Variants in ATRAID observed in about 807,000 individuals in gnomAD.
ATRAID encodes the protein all-trans retinoic acid induced differentiation factor, also known as all-trans retinoic acid-induced differentiation factor.
In ATRAID, 26 loss-of-function variants were observed where a neutral mutation model predicts 28.8. The observed-to-expected ratio is 0.90, with a 90% CI of 0.66 to 1.25. The LOEUF (loss-of-function observed/expected upper bound fraction) is 1.25, where lower values mean the gene tolerates loss of function less well. ATRAID is among the 50% of genes most tolerant of loss of function. The pLI, the probability that ATRAID is intolerant of heterozygous loss-of-function variation, is 0.00. For synonymous variants in ATRAID, 131 were observed against 108.5 expected (o/e 1.21, Z -1.29); for missense variants, 308 against 285.9 (o/e 1.08, Z -0.56).
Position 27,215,552 on chromosome 2 carries a change from A to T in ATRAID, c.365+7A>T, listed in dbSNP as rs776654269. 1 of 1,614,078 alleles carries T rather than the reference A, an allele frequency of 6.2e-7. No homozygotes were observed. On this transcript the variant is annotated splice_region_variant and intron_variant, in intron 4 of 6. Coordinates refer to ENST00000380171, the MANE Select transcript of ATRAID (RefSeq NM_001170795.4). Reference sequence around the variant, plus strand: ...TTACTCAGCTCCAGACTCTGTGAGTAAGGGTATGGGAAGAGAATCAAAGAG... The same window carrying T: ...TTACTCAGCTCCAGACTCTGTGAGTTAGGGTATGGGAAGAGAATCAAAGAG...
At chr2:27,215,177 C>T in intron 2 of ATRAID, 144 bp from the exon 3 acceptor site, 1 of 752,720 alleles carries the variant, frequency 1.3e-6, no homozygotes, top group Non-Finnish European at 2.2e-6. Context: ...ATTAAAATGT[C>T]TACCACAGCT....
rs1236453726 is a variant in ATRAID at position 27,213,437 on chromosome 2, C to A, written c.221+139C>A. ...ACGCAGATGTCTACCAAAACTAGATCTCTTTAGTGTCTTTTTTAACCTTTC... is the reference window on the plus strand; with the variant it reads ...ACGCAGATGTCTACCAAAACTAGATATCTTTAGTGTCTTTTTTAACCTTTC... On this transcript the variant is annotated intron_variant, in intron 2 of 6. Coordinates refer to ENST00000380171, the MANE Select transcript of ATRAID (RefSeq NM_001170795.4). 1.9e-5 allele frequency: 22 copies of A among 1,137,766 alleles called. No homozygotes were observed. The East Asian group carries it at 5.9e-4, about 30-fold the overall frequency. 70.5% of individuals were successfully genotyped at this position (1,137,766 alleles called of 1,614,324 possible).
chr2:27,216,720 A>G (rs999444721), intron 6 of ATRAID, 100 bp downstream of exon 6: 19 of 1,437,682 alleles, frequency 1.3e-5, no homozygotes, highest in Non-Finnish European at 1.8e-5. Context: ...CAAATTTCCT[A>G]TAGGTGGAAA....
chr2:27,212,319 G>GGGCCGCGGGGCCGGGTCGC lies in ATRAID; in HGVS notation c.-48_-30dup. ...AGAGGGCCTGACGCGCTGCGGGGCG[G>GGGCCGCGGGGCCGGGTCGC]GGCCGCGGGGCCGGGTCGCGCGAGC... On this transcript the variant is annotated 5_prime_UTR_variant, in exon 1 of 7. Transcript: ENST00000380171. The GGGCCGCGGGGCCGGGTCGC allele has an allele frequency of 6.5e-7, 1 of 1,549,260 alleles. No individual in the cohort carries two copies. The highest frequency in any genetic ancestry group is 2.4e-5 in the East Asian group (1 of 41,054).
rs776777155 is a variant in ATRAID at position 27,212,292 on chromosome 2, G to A, written c.-77G>A. The A allele has an allele frequency of 6.4e-7, 1 of 1,552,588 alleles. No homozygotes were observed. The highest frequency in any genetic ancestry group is 8.7e-7 in the Non-Finnish European group (1 of 1,148,196). The stretch of plus-strand genomic sequence containing the variant: ...CCGGGCCGCTTAGGCCACGCCCGGG[G>A]AAGAGGGCCTGACGCGCTGCGGGGC... On this transcript the variant is annotated 5_prime_UTR_variant, in exon 1 of 7. Transcript: ENST00000380171.
At chr2:27,215,203 T>C in intron 2 of ATRAID, 118 bp from the exon 3 acceptor site, 1 of 1,010,794 alleles carries the variant, frequency 9.9e-7, no homozygotes, top group Non-Finnish European at 1.5e-6. Context: ...TGTGTGACTC[T>C]GAACACAGCT....
intron 1 of ATRAID, 91 bp downstream of exon 1, chr2:27,212,558 G>C: frequency 6.7e-7 from 1 of 1,490,920 alleles, no homozygotes; most frequent in Non-Finnish European, 8.9e-7. Flanking sequence ...TCCTCGGCGG[G>C]CCTGCGGTTC....
intron 5 of ATRAID, among the ~76,000 whole-genome samples, chr2:27,215,994 G>A (rs1674813743): frequency 6.6e-6 from 1 of 152,342 alleles, no homozygotes; most frequent in Admixed American, 6.5e-5. Flanking sequence ...GGGTGCAGGT[G>A]GGCTGAGTCC....
intron 2 of ATRAID, among the ~76,000 whole-genome samples, chr2:27,214,797 A>G (rs1489793539): frequency 6.6e-6 from 1 of 152,250 alleles, no homozygotes; most frequent in Non-Finnish European, 1.5e-5. Context: ...GGTTGCAGTG[A>G]GCCGAGATCG....
intron 4 of ATRAID, 43 bp from the exon 5 acceptor site, chr2:27,215,589 T>A: frequency 6.2e-7 from 1 of 1,614,222 alleles, no homozygotes; most frequent in South Asian, 1.1e-5. Context: ...GATGATGCTG[T>A]GAGTTTAGCA....
Position 27,216,611 on chromosome 2 carries a change from T to C in ATRAID, c.576T>C (p.Cys192=). The C allele has an allele frequency of 6.2e-7, 1 of 1,613,702 alleles. No homozygotes were observed. Among genetic ancestry groups the C allele is most frequent in the Non-Finnish European group, 8.5e-7 (1 of 1,179,576 alleles). The change falls in exon 6 of 7, where the codon TGT becomes TGC. Residue 192 remains cysteine, a synonymous_variant. Transcript: ENST00000380171. ...VCADGFHGYK[C]MRQGSFSLLM... is the part of the protein sequence containing the mutation. ...CTGATGGTTTCCATGGATACAAGTGTATGCGCCAGGTGAGGAATTAGGCCG... is the reference window on the plus strand; with the variant it reads ...CTGATGGTTTCCATGGATACAAGTGCATGCGCCAGGTGAGGAATTAGGCCG...
At chr2:27,217,161 T>C (rs970918673), downstream of ATRAID, 63 of 531,668 alleles carry the variant, frequency 1.2e-4, 1 homozygote, top group East Asian at 2.5e-4. Flanking sequence ...TCTTTTTTTT[T>C]CCTCTCTTTC....
Position 27,216,950 on chromosome 2 carries a change from C to T in ATRAID, c.*2C>T. The T allele has an allele frequency of 6.3e-7, 1 of 1,599,830 alleles. No individual in the cohort carries two copies. Among genetic ancestry groups the T allele is most frequent in the Non-Finnish European group, 8.6e-7 (1 of 1,167,800 alleles). Reference sequence around the variant, plus strand: ...CGCCGAAAAGCCAAGACTTCATGAACTACATAGGTCTTACCATTGACCTAA... The same window carrying T: ...CGCCGAAAAGCCAAGACTTCATGAATTACATAGGTCTTACCATTGACCTAA... On this transcript the variant is annotated 3_prime_UTR_variant, in exon 7 of 7. Transcript: ENST00000380171.
At position 27,216,929 on chromosome 2, in the gene ATRAID, G is replaced by A. The variant is rs148460328; in HGVS notation, c.671G>A (p.Arg224Gln). The A allele has an allele frequency of 4.3e-6, 7 of 1,612,902 alleles. No homozygotes were observed. Among genetic ancestry groups the A allele is most frequent in the East Asian group, 2.2e-5 (1 of 44,864 alleles). ...VSILLWATQR[R>Q]KAKTS ...ATTCTGCTTTGGGCGACCCAGCGCC[G>A]AAAAGCCAAGACTTCATGAACTACA... Residue 224 changes from arginine to glutamine, a missense_variant, in exon 7 of 7, where the codon CGA (arginine) becomes CAA (glutamine). Coordinates refer to ENST00000380171, the MANE Select transcript of ATRAID (RefSeq NM_001170795.4).
At chr2:27,212,840 GT>G in intron 1 of ATRAID, 1 of 479,186 alleles carries the variant, frequency 2.1e-6, no homozygotes, top group Non-Finnish European at 3.5e-6. Context: ...ACCTGCGGTC[GT>G]TTTACACCGC....
At chr2:27,213,119 G>A in intron 1 of ATRAID, 58 bp from the exon 2 acceptor site, 1 of 1,588,790 alleles carries the variant, frequency 6.3e-7, no homozygotes, top group Non-Finnish European at 8.6e-7. Context: ...CTTGATCGCC[G>A]TTTGTTCTTT....
intron 1 of ATRAID, chr2:27,212,717 G>A: frequency 8.2e-7 from 1 of 1,224,832 alleles, no homozygotes; most frequent in African/African-American, 1.6e-5. Flanking sequence ...ATAACTTTAA[G>A]TTCTTTCTAC....
chr2:27,216,836 G>C lies in ATRAID; in HGVS notation c.586-8G>C. 1 of 1,611,758 alleles carries C rather than the reference G, an allele frequency of 6.2e-7. No individual in the cohort carries two copies. The highest frequency in any genetic ancestry group is 8.5e-7 in the Non-Finnish European group (1 of 1,178,064). On this transcript the variant is annotated splice_polypyrimidine_tract_variant and splice_region_variant and intron_variant, in intron 6 of 6. Coordinates refer to ENST00000380171, the MANE Select transcript of ATRAID (RefSeq NM_001170795.4). Reference sequence around the variant, plus strand: ...GTATGGGGGTGTTTTTTGGTCTGTTGTTCACAGGGCTCGTTCTCACTGCTT... The same window carrying C: ...GTATGGGGGTGTTTTTTGGTCTGTTCTTCACAGGGCTCGTTCTCACTGCTT...
At chr2:27,213,893 T>G (rs1232967052) in intron 2 of ATRAID, among the ~76,000 whole-genome samples, 2 of 152,212 alleles carry the variant, frequency 1.3e-5, no homozygotes, top group East Asian at 3.8e-4. Context: ...TCCAACATCT[T>G]TTGTGAATAT....
Sources: allele counts gnomAD v4.1 joint callset (sites outside exome capture counted in the v4.1 genomes callset), GRCh38; gene constraint gnomAD v4.1.1; transcripts MANE v1.5; gene names NCBI Gene and HGNC (gene_info 2026-07-23, HGNC 2026-07-21).